Variants in UNC5C observed in about 807,000 individuals in gnomAD.
The protein encoded by UNC5C is unc-5 netrin receptor C.
In UNC5C, 47 loss-of-function variants were observed where a neutral mutation model predicts 99.8. That is an observed-to-expected ratio of 0.47 (90% CI 0.37 to 0.60). The LOEUF (loss-of-function observed/expected upper bound fraction) is 0.60. UNC5C is among the 20% of genes least tolerant of loss of function. The probability of loss-of-function intolerance (pLI) is 0.00; values close to 1 mark genes in which losing one functional copy is unlikely to be tolerated. For synonymous variants in UNC5C, 487 were observed against 452.2 expected (o/e 1.08, Z -0.98); for missense variants, 1,062 against 1,165.9 (o/e 0.91, Z 1.30).
chr4:95,219,403 A>G (rs1738383057), intron 8 of UNC5C, 90 bp from the exon 9 acceptor site: 1 of 1,266,006 alleles, frequency 7.9e-7, no homozygotes, highest in Admixed American at 2.1e-5. Context: ...TTCTGAGCCG[A>G]AAGTAAAGCA....
chr4:95,214,086 TG>T (rs764103530), intron 10 of UNC5C, among the ~76,000 whole-genome samples: 2 of 152,154 alleles, frequency 1.3e-5, no homozygotes, highest in Non-Finnish European at 2.9e-5. Context: ...GAGAAGTAAA[TG>T]AAATTAAGAG....
At chr4:95,400,688 GC>G (rs1333481954) in intron 1 of UNC5C, among the ~76,000 whole-genome samples, 3 of 152,136 alleles carry the variant, frequency 2.0e-5, no homozygotes, top group Non-Finnish European at 2.9e-5. Flanking sequence ...ACCGCGCCCG[GC>G]CCACAATGAG....
chr4:95,220,091 G>T lies in UNC5C; in HGVS notation c.1194C>A (p.Ala398=). 1.2e-6 allele frequency: 2 copies of T among 1,614,000 alleles called. No homozygotes were observed. Among genetic ancestry groups the T allele is most frequent in the East Asian group, 4.5e-5 (2 of 44,864 alleles). Residue 398 remains alanine, a synonymous_variant, in exon 8 of 16, where the codon GCC becomes GCA. Coordinates refer to ENST00000453304, the MANE Select transcript of UNC5C (RefSeq NM_003728.4). ...GATGATTCTTCCGATACACAAACAA[G>T]GCCACAACTACAGAGATCGCCAGGC... ...IVCLAISVVV[A]LFVYRKNHRD...
chr4:95,495,931 A>C (rs551448045), intron 1 of UNC5C, among the ~76,000 whole-genome samples: 1 of 151,958 alleles, frequency 6.6e-6, no homozygotes, highest in Non-Finnish European at 1.5e-5. Context: ...GGAGAAATAG[A>C]AATTATTCAG....
chr4:95,394,735 T>G (rs747850608), intron 1 of UNC5C, among the ~76,000 whole-genome samples: 2 of 151,888 alleles, frequency 1.3e-5, no homozygotes, highest in Non-Finnish European at 2.9e-5. Context: ...TCTTGCATTG[T>G]TTGCTAGAAA....
chr4:95,448,217 T>A (rs1421107559), intron 1 of UNC5C, among the ~76,000 whole-genome samples: 36 of 88,498 alleles, frequency 4.1e-4, no homozygotes, highest in Admixed American at 3.3e-4. Flanking sequence ...TGTGTGTGTG[T>A]GTGTGTGTGT....
intron 1 of UNC5C, among the ~76,000 whole-genome samples, chr4:95,474,870 A>G (rs943866385): frequency 6.6e-6 from 1 of 152,004 alleles, no homozygotes; most frequent in Non-Finnish European, 1.5e-5. Flanking sequence ...TCACCACCCT[A>G]TGCATAACCA....
At chr4:95,533,320 C>T (rs949001099) in intron 1 of UNC5C, among the ~76,000 whole-genome samples, 2 of 151,708 alleles carry the variant, frequency 1.3e-5, no homozygotes, top group East Asian at 1.9e-4. Context: ...TGCTTGAAAC[C>T]GGAAGGCAGA....
chr4:95,543,898 G>A (rs1182351682), intron 1 of UNC5C, among the ~76,000 whole-genome samples: 1 of 152,260 alleles, frequency 6.6e-6, no homozygotes, highest in South Asian at 2.1e-4. Context: ...TCAGAGAACT[G>A]TACTCTGTCC....
chr4:95,410,722 C>T (rs1484213243), intron 1 of UNC5C, among the ~76,000 whole-genome samples: 1 of 152,194 alleles, frequency 6.6e-6, no homozygotes, highest in African/African-American at 2.4e-5. Context: ...ATCACATTCA[C>T]TCTGAACACT....
At chr4:95,216,058 CT>C in intron 10 of UNC5C, 65 bp downstream of exon 10, 1 of 1,383,328 alleles carries the variant, frequency 7.2e-7, no homozygotes, top group Non-Finnish European at 1.0e-6. Context: ...TTTATTGTGT[CT>C]ATTGTACAAT....
At chr4:95,230,582 C>T (rs1386385150) in intron 7 of UNC5C, among the ~76,000 whole-genome samples, 5 of 151,332 alleles carry the variant, frequency 3.3e-5, no homozygotes, top group African/African-American at 1.2e-4. Context: ...TTATGTCTTA[C>T]ATTTAAGTCT....
intron 1 of UNC5C, among the ~76,000 whole-genome samples, chr4:95,362,089 G>A (rs938435551): frequency 4.6e-5 from 7 of 152,028 alleles, no homozygotes; most frequent in Non-Finnish European, 1.0e-4. Context: ...CAAGTCACAT[G>A]TCTTCTCTGA....
At chr4:95,235,911 GA>G (rs1490483547) in intron 7 of UNC5C, among the ~76,000 whole-genome samples, 1 of 152,112 alleles carries the variant, frequency 6.6e-6, no homozygotes, top group Non-Finnish European at 1.5e-5. Flanking sequence ...TTAGAATGGT[GA>G]TCATTAAAAA....
rs943824898 is a variant in UNC5C, at chr4:95,168,058, A to G, written c.*1176T>C. ...CTCCAGTTTAGAGTCCATTCCTCCA[A>G]CCACACTGCCTCTAGAGTAGAGCAC... is the stretch of plus-strand genomic sequence containing the variant. On this transcript the variant is annotated 3_prime_UTR_variant, in exon 16 of 16. Coordinates refer to ENST00000453304, the MANE Select transcript of UNC5C (RefSeq NM_003728.4). 1 of 152,152 alleles carries G rather than the reference A, an allele frequency of 6.6e-6. No homozygotes were observed. Among genetic ancestry groups the G allele is most frequent in the Non-Finnish European group, 1.5e-5 (1 of 68,038 alleles). 9.4% of individuals were successfully genotyped at this position (152,152 alleles called of 1,614,324 possible).
intron 1 of UNC5C, among the ~76,000 whole-genome samples, chr4:95,528,896 A>C (rs1310402983): frequency 1.3e-5 from 2 of 152,170 alleles, no homozygotes; most frequent in Non-Finnish European, 2.9e-5. Flanking sequence ...GAGTTAAAAG[A>C]ACAGTTCTTA....
At chr4:95,216,511 A>T (rs922236021) in intron 9 of UNC5C, among the ~76,000 whole-genome samples, 1 of 152,162 alleles carries the variant, frequency 6.6e-6, no homozygotes, top group African/African-American at 2.4e-5. Flanking sequence ...CAACTGCTCA[A>T]AATTTCAAAC....
At chr4:95,236,392 T>C (rs1739115195) in intron 7 of UNC5C, among the ~76,000 whole-genome samples, 1 of 140,714 alleles carries the variant, frequency 7.1e-6, no homozygotes, top group Non-Finnish European at 1.5e-5. Flanking sequence ...ATGAGAACAC[T>C]TGGACACAGG....
intron 4 of UNC5C, among the ~76,000 whole-genome samples, chr4:95,273,035 T>G (rs750014593): frequency 2.3e-4 from 35 of 152,246 alleles, no homozygotes; most frequent in Non-Finnish European, 4.0e-4. Context: ...TTTTCTGCCC[T>G]GTCAGTATCA....
Sources: gnomAD v4.1 joint callset for allele counts (sites outside exome capture counted in the v4.1 genomes callset) on GRCh38, gnomAD v4.1.1 for gene constraint, MANE v1.5 for transcripts, NCBI Gene and HGNC (gene_info 2026-07-23, HGNC 2026-07-21) for gene names.